The following NRP1 variants were observed in gnomAD, a reference collection of about 807,000 sequenced individuals.
The protein encoded by NRP1 is neuropilin 1.
NRP1 carries 35 observed loss-of-function variants against 106.7 expected under a neutral mutation model. That is an observed-to-expected ratio of 0.33 (90% confidence interval 0.25 to 0.43). The LOEUF (loss-of-function observed/expected upper bound fraction) is 0.43. NRP1 is among the 20% of genes least tolerant of loss of function. The pLI is 1.00. For synonymous variants in NRP1, 437 were observed against 417.9 expected (o/e 1.05, Z -0.56); for missense variants, 1,024 against 1,170.4 (o/e 0.87, Z 1.83).
intron 7 of NRP1, 32 bp from the exon 8 acceptor site, chr10:33,221,895 C>T: frequency 6.3e-7 from 1 of 1,581,462 alleles, no homozygotes; most frequent in East Asian, 2.3e-5. Flanking sequence ...CTTTCTTTAG[C>T]AGAGGTTTTG....
intron 5 of NRP1, among the ~76,000 whole-genome samples, chr10:33,254,721 T>C (rs980041703): frequency 6.6e-6 from 1 of 152,204 alleles, no homozygotes; most frequent in African/African-American, 2.4e-5. Flanking sequence ...ATTGTTCTTA[T>C]GCCCCACCTC....
chr10:33,244,440 G>T (rs1209422956), intron 6 of NRP1, among the ~76,000 whole-genome samples: 1 of 152,124 alleles, frequency 6.6e-6, no homozygotes, highest in Non-Finnish European at 1.5e-5. Context: ...GCATGTTATG[G>T]ATTTCATTAA....
At chr10:33,281,725 C>T (rs1844144674) in intron 2 of NRP1, among the ~76,000 whole-genome samples, 1 of 152,168 alleles carries the variant, frequency 6.6e-6, no homozygotes, top group African/African-American at 2.4e-5. Context: ...TGATGATTAC[C>T]TTGCAGAATC....
chr10:33,194,855 G>GGAGAAAGGGAGA (rs1263056741), intron 12 of NRP1: 2 of 457,876 alleles, frequency 4.4e-6, no homozygotes, highest in Non-Finnish European at 9.0e-6. Context: ...ACAGAGGAAA[G>GGAGAAAGGGAGA]GAGAAAGGGA....
chr10:33,241,859 A>T (rs1484322553), intron 6 of NRP1, among the ~76,000 whole-genome samples: 2 of 152,240 alleles, frequency 1.3e-5, no homozygotes, highest in East Asian at 3.8e-4. Context: ...AATACATTCC[A>T]GTATTGAAAA....
At position 33,277,141 on chromosome 10, in the gene NRP1, A is replaced by C. The variant is rs114216444; in HGVS notation, c.249-6285T>G. Among the ~76,000 whole-genome samples the C allele has an allele frequency of 5.8e-3, 887 of 152,146 alleles. 8 individuals carry two copies. The highest frequency in any genetic ancestry group is 0.02 in the African/African-American group (844 of 41,502). ...AAAAAAAAAAGAAAAAAAATTGCTC[A>C]ATAAAAGTTTTTAAATAACAGGAAA... On this transcript the variant is annotated intron_variant, in intron 2 of 16. Transcript: ENST00000374867.
intron 6 of NRP1, among the ~76,000 whole-genome samples, chr10:33,232,719 T>G (rs1417113807): frequency 7.1e-6 from 1 of 141,336 alleles, no homozygotes; most frequent in East Asian, 2.4e-4. Flanking sequence ...CTCAGCTAAC[T>G]GCAACCTCCA....
Position 33,254,008 on chromosome 10 carries a change from C to T in NRP1, c.981+20G>A. 3 of 1,588,042 alleles carry T rather than the reference C, an allele frequency of 1.9e-6. No individual in the cohort carries two copies. ...AAAAACTTATTCAATCCTAGATAGG[C>T]TTGATCTTATGCTGCATACCTGTAT... On this transcript the variant is annotated intron_variant, in intron 6 of 16. Coordinates refer to ENST00000374867, the MANE Select transcript of NRP1 (RefSeq NM_003873.7).
rs372881121 is a variant in NRP1, at chr10:33,205,965, C to T, written c.1759+1607G>A. 4.9e-5 allele frequency: 11 copies of T among 223,870 alleles called. No homozygotes were observed. In the East Asian group the frequency reaches 8.7e-4, roughly 18 times the overall value. The allele number at this position is 223,870 out of a possible 1,614,324, so 13.9% of individuals were successfully genotyped here. A position where few individuals can be genotyped will look rare whatever the true frequency, so the allele number is the denominator to read the frequency against. ...TCATTGTCTTTGTTTCAAAGTTAAA[C>T]TATAAGTTCCTCCTAAAGTTAGTTT... is the stretch of plus-strand genomic sequence containing the variant. On this transcript the variant is annotated intron_variant, in intron 10 of 16. Coordinates refer to ENST00000374867, the MANE Select transcript of NRP1 (RefSeq NM_003873.7).
At chr10:33,183,281 G>T (rs1378037485) in intron 15 of NRP1, among the ~76,000 whole-genome samples, 2 of 151,868 alleles carry the variant, frequency 1.3e-5, no homozygotes, top group East Asian at 1.9e-4. Flanking sequence ...ACTCCACCCT[G>T]GGTGACGGAA....
chr10:33,303,283 T>A (rs903146346), intron 2 of NRP1, among the ~76,000 whole-genome samples: 1 of 152,210 alleles, frequency 6.6e-6, no homozygotes, highest in Non-Finnish European at 1.5e-5. Context: ...TTGGAACACA[T>A]CCTTCTTTGT....
intron 9 of NRP1, among the ~76,000 whole-genome samples, chr10:33,208,466 C>G (rs1838000762): frequency 6.6e-6 from 1 of 152,192 alleles, no homozygotes; most frequent in African/African-American, 2.4e-5. Context: ...TTTTCACATG[C>G]ACGGGAAGAT....
chr10:33,241,684 C>G (rs1409408890), intron 6 of NRP1, among the ~76,000 whole-genome samples: 1 of 148,498 alleles, frequency 6.7e-6, no homozygotes, highest in Non-Finnish European at 1.5e-5. Flanking sequence ...GCATCTTTGA[C>G]AGAAAAAATA....
intron 15 of NRP1, among the ~76,000 whole-genome samples, chr10:33,183,203 G>A (rs1588678129): frequency 6.6e-6 from 1 of 152,240 alleles, no homozygotes; most frequent in Non-Finnish European, 1.5e-5. Flanking sequence ...CTGCTTAGGA[G>A]GCTGAGGCGG....
rs768111726 is a variant in NRP1, at chr10:33,207,633, G to A, written c.1698C>T (p.Pro566=). Residue 566 remains proline (P), a synonymous_variant, in exon 10 of 17, where the codon CCC becomes CCT. Transcript: ENST00000374867. The part of the protein sequence containing the change: ...ALSTRFIRIY[P]ERATHGGLGL... ...CCAGTCCGCCATGAGTGGCTCTCTC[G>A]GGGTAGATCCTGATGAATCGCGTGG... 1.6e-5 allele frequency: 26 copies of A among 1,614,052 alleles called. No homozygotes were observed. Among genetic ancestry groups the A allele is most frequent in the East Asian group, 2.2e-5 (1 of 44,886 alleles).
chr10:33,249,419 G>A (rs549935538), intron 6 of NRP1: 7 of 519,106 alleles, frequency 1.3e-5, no homozygotes, highest in Middle Eastern at 3.2e-4. Context: ...ATGGAGTGAA[G>A]GCTACGTTAT....
intron 13 of NRP1, 151 bp downstream of exon 13, chr10:33,192,130 T>C (rs562478116): frequency 8.6e-6 from 7 of 818,672 alleles, no homozygotes; most frequent in Non-Finnish European, 1.3e-5. Flanking sequence ...AAAGAGACAT[T>C]GTTAATTCTA....
chr10:33,185,531 A>G (rs1835946727), intron 15 of NRP1, 97 bp downstream of exon 15: 2 of 913,468 alleles, frequency 2.2e-6, no homozygotes, highest in East Asian at 5.2e-5. Flanking sequence ...CCACACCGAA[A>G]TTCTAGGTAG....
At chr10:33,327,105 C>T (rs1314519717) in intron 2 of NRP1, among the ~76,000 whole-genome samples, 4 of 151,942 alleles carry the variant, frequency 2.6e-5, no homozygotes, top group Non-Finnish European at 5.9e-5. Flanking sequence ...CTTAAGCTTT[C>T]TCAGGGTGGA....
Sources: allele counts gnomAD v4.1 joint callset (sites outside exome capture counted in the v4.1 genomes callset), GRCh38; gene constraint gnomAD v4.1.1; transcripts MANE v1.5; gene names NCBI Gene and HGNC (gene_info 2026-07-23, HGNC 2026-07-21).